Variants in ATP6V0A1 observed in about 807,000 individuals in gnomAD.
ATP6V0A1 encodes the protein V-type proton ATPase 116 kDa subunit a 1.
ATP6V0A1 carries 43 observed loss-of-function variants against 105.4 expected under a neutral mutation model. The ratio of observed to expected loss-of-function variants is 0.41; its 90% confidence interval spans 0.32 to 0.53. The LOEUF (loss-of-function observed/expected upper bound fraction) is 0.53, where lower values mean the gene tolerates loss of function less well. Among genes scored for constraint, ATP6V0A1 ranks in the 20% least tolerant of loss-of-function variants. The probability of loss-of-function intolerance (pLI) is 0.30; values close to 1 mark genes in which losing one functional copy is unlikely to be tolerated. For synonymous variants in ATP6V0A1, 362 were observed against 372.8 expected (o/e 0.97, Z 0.33); for missense variants, 676 against 1,051.1 (o/e 0.64, Z 4.93).
At chr17:42,512,835 G>A (rs1376857146) in intron 19 of ATP6V0A1, among the ~76,000 whole-genome samples, 5 of 152,244 alleles carry the variant, frequency 3.3e-5, no homozygotes, top group East Asian at 1.9e-4. Context: ...GGCAGGGGCC[G>A]ATGGGGAGGC....
chr17:42,520,184 T>C (rs571937808), intron 21 of ATP6V0A1: 1 of 338,772 alleles, frequency 3.0e-6, no homozygotes, highest in African/African-American at 2.1e-5. Flanking sequence ...ATGTGGAAAC[T>C]ATTCCTCAGG....
intron 17 of ATP6V0A1, chr17:42,502,740 T>G (rs1419191663): frequency 6.6e-6 from 1 of 152,578 alleles, no homozygotes; most frequent in East Asian, 1.9e-4. Context: ...CCCACTTCAC[T>G]CCCTCCCTCT....
At chr17:42,468,920 A>G (rs2145703401) in intron 4 of ATP6V0A1, among the ~76,000 whole-genome samples, 1 of 152,268 alleles carries the variant, frequency 6.6e-6, no homozygotes, top group East Asian at 1.9e-4. Flanking sequence ...ATCTTGGCTC[A>G]CTGCAACCCC....
chr17:42,517,706 C>T (rs1006210719), intron 21 of ATP6V0A1, among the ~76,000 whole-genome samples: 7 of 152,144 alleles, frequency 4.6e-5, no homozygotes, highest in African/African-American at 9.7e-5. Context: ...CTGCAGGAGG[C>T]GTTCTGAGCT....
intron 14 of ATP6V0A1, among the ~76,000 whole-genome samples, chr17:42,498,351 G>T (rs542807699): frequency 1.2e-4 from 19 of 152,170 alleles, no homozygotes; most frequent in African/African-American, 4.1e-4. Flanking sequence ...ATGAGTGAGT[G>T]GCAGTAATCT....
chr17:42,495,202 G>C lies in ATP6V0A1; in HGVS notation c.1469+14G>C, dbSNP rs750375164. ...TTATAATTGGACGTAAGTTGCAGAA[G>C]AAGCTAAAATTCAAAGCTTATTCCT... is the stretch of plus-strand genomic sequence containing the variant. On this transcript the variant is annotated intron_variant, in intron 13 of 21. Coordinates refer to ENST00000343619, the MANE Select transcript of ATP6V0A1 (RefSeq NM_001130021.3). 9 of 1,612,600 alleles carry C rather than the reference G, an allele frequency of 5.6e-6. No individual in the cohort carries two copies. In the South Asian group the frequency reaches 8.8e-5, roughly 16 times the overall value.
chr17:42,459,346 G>A (rs893948107), intron 1 of ATP6V0A1, among the ~76,000 whole-genome samples: 6 of 152,348 alleles, frequency 3.9e-5, no homozygotes, highest in African/African-American at 1.4e-4. Flanking sequence ...AAATGAAGCA[G>A]GTGAATACCG....
chr17:42,487,416 C>G (rs1171729472), intron 10 of ATP6V0A1, 49 bp downstream of exon 10: 2 of 1,576,350 alleles, frequency 1.3e-6, no homozygotes, highest in Non-Finnish European at 1.7e-6. Flanking sequence ...AAGAGAGGTT[C>G]CCATCAATAG....
At chr17:42,508,654 A>G in intron 19 of ATP6V0A1, 65 bp downstream of exon 19, 1 of 1,600,840 alleles carries the variant, frequency 6.2e-7, no homozygotes, top group Non-Finnish European at 8.5e-7. Flanking sequence ...CCTTGTGATC[A>G]CTCTGCTGAC....
intron 11 of ATP6V0A1, among the ~76,000 whole-genome samples, chr17:42,491,869 G>C (rs2090668819): frequency 6.6e-6 from 1 of 151,138 alleles, no homozygotes; most frequent in African/African-American, 2.4e-5. Flanking sequence ...CACCCGCCTT[G>C]GCCTCCCAAA....
At chr17:42,517,042 G>A (rs2092655299) in intron 21 of ATP6V0A1, among the ~76,000 whole-genome samples, 1 of 152,220 alleles carries the variant, frequency 6.6e-6, no homozygotes, top group African/African-American at 2.4e-5. Flanking sequence ...CATTCTGGGA[G>A]GCTGAGGCAG....
chr17:42,493,881 C>T (rs532674396), intron 11 of ATP6V0A1, among the ~76,000 whole-genome samples: 6 of 152,154 alleles, frequency 3.9e-5, no homozygotes, highest in Admixed American at 6.6e-5. Context: ...TTGATTCTGC[C>T]ATGAAAGATT....
chr17:42,496,369 C>T (rs1009255033), intron 14 of ATP6V0A1: 1 of 151,934 alleles, frequency 6.6e-6, no homozygotes, highest in Non-Finnish European at 1.5e-5. Flanking sequence ...TATATTTTTC[C>T]TGTGGATTTT....
chr17:42,484,065 CGTTT>C (rs1314432545), intron 9 of ATP6V0A1, among the ~76,000 whole-genome samples: 4 of 150,956 alleles, frequency 2.6e-5, no homozygotes, highest in Admixed American at 1.3e-4. Flanking sequence ...TTTGTTTGTT[CGTTT>C]GTTTGTTTTT....
At chr17:42,499,109 A>C (rs1202153498) in intron 15 of ATP6V0A1, 67 bp downstream of exon 15, 2 of 1,182,172 alleles carry the variant, frequency 1.7e-6, no homozygotes, top group Middle Eastern at 2.0e-4. Flanking sequence ...TAAAGAAATC[A>C]TGACATCTTT....
chr17:42,513,375 G>A (rs1266258211), intron 19 of ATP6V0A1: 1 of 154,316 alleles, frequency 6.5e-6, no homozygotes, highest in Non-Finnish European at 1.4e-5. Context: ...GGCCATAGAG[G>A]CCTAGTCTTC....
chr17:42,494,247 G>A, intron 11 of ATP6V0A1, 87 bp from the exon 12 acceptor site: 1 of 1,358,700 alleles, frequency 7.4e-7, no homozygotes, highest in African/African-American at 1.5e-5. Flanking sequence ...AAAAAAAAGG[G>A]GGGTGGGTAT....
intron 14 of ATP6V0A1, among the ~76,000 whole-genome samples, chr17:42,498,690 G>C (rs1336383797): frequency 6.6e-6 from 1 of 152,120 alleles, no homozygotes; most frequent in Non-Finnish European, 1.5e-5. Flanking sequence ...GCTGGGCGTG[G>C]TGGCAGGCAC....
intron 1 of ATP6V0A1, among the ~76,000 whole-genome samples, chr17:42,459,624 C>G (rs1410562979): frequency 6.6e-6 from 1 of 152,138 alleles, no homozygotes; most frequent in Non-Finnish European, 1.5e-5. Flanking sequence ...CTATGCTGAC[C>G]AGGCCTAATT....
Sources: allele counts gnomAD v4.1 joint callset (sites outside exome capture counted in the v4.1 genomes callset), GRCh38; gene constraint gnomAD v4.1.1; transcripts MANE v1.5; gene names NCBI Gene and HGNC (gene_info 2026-07-23, HGNC 2026-07-21).